The following CSNK1G2 variants were observed in gnomAD, a reference collection of about 807,000 sequenced individuals.
CSNK1G2 encodes casein kinase I isoform gamma-2.
A neutral mutation model predicts 48.0 loss-of-function variants in CSNK1G2; 11 were observed. The ratio of observed to expected loss-of-function variants is 0.23; its 90% CI spans 0.14 to 0.38. The LOEUF (loss-of-function observed/expected upper bound fraction) is 0.38, where lower values mean the gene tolerates loss of function less well. CSNK1G2 is among the 10% of genes least tolerant of loss of function. The probability of loss-of-function intolerance (pLI) is 1.00; values close to 1 mark genes in which losing one functional copy is unlikely to be tolerated. For synonymous variants in CSNK1G2, 337 were observed against 254.1 expected, an observed-to-expected ratio of 1.33 and a Z score of -3.10; for missense variants, 446 against 595.5, an observed-to-expected ratio of 0.75 and a Z score of 2.61.
At position 1,978,058 on chromosome 19, in the gene CSNK1G2, G is replaced by A. The variant is rs551229874; in HGVS notation, c.188-247G>A. On this transcript the variant is annotated intron_variant, in intron 2 of 11. Coordinates refer to ENST00000255641, the MANE Select transcript of CSNK1G2 (RefSeq NM_001319.7). The surrounding 1 kb of genome is among the most constrained non-coding windows in gnomAD (Gnocchi z 7.3). ...TCCTGGGCTAGGGAGGTGGGGGGGCGGGGGAGGAGGAGTGGCAGACACTGA... is the reference window on the plus strand; with the variant it reads ...TCCTGGGCTAGGGAGGTGGGGGGGCAGGGGAGGAGGAGTGGCAGACACTGA... Among the ~76,000 whole-genome samples, 41 of 152,192 alleles carry A rather than the reference G, an allele frequency of 2.7e-4. No individual in the cohort carries two copies. The highest frequency in any genetic ancestry group is 2.1e-3 in the Admixed American group (32 of 15,284).
At chr19:1,971,445 C>G (rs1051622756) in intron 2 of CSNK1G2, among the ~76,000 whole-genome samples, 1 of 152,270 alleles carries the variant, frequency 6.6e-6, no homozygotes, top group African/African-American at 2.4e-5. Flanking sequence ...CCAACAGGAG[C>G]TGTGGCCTCC....
rs201822816 is a variant in CSNK1G2 at position 1,978,352 on chromosome 19, C to T, written c.228+7C>T. Reference sequence around the variant, plus strand: ...ATACGTGGCTATCAAATTGGTGAGTCGGCCCCTCCACCCCACCCCCGCTGA... The same window carrying T: ...ATACGTGGCTATCAAATTGGTGAGTTGGCCCCTCCACCCCACCCCCGCTGA... On this transcript the variant is annotated splice_region_variant and intron_variant, in intron 3 of 11. Coordinates refer to ENST00000255641, the MANE Select transcript of CSNK1G2 (RefSeq NM_001319.7). The surrounding 1 kb of genome is among the most constrained non-coding windows in gnomAD (Gnocchi z 7.3). 9.1e-5 allele frequency: 147 copies of T among 1,613,244 alleles called. 1 individual carries two copies. Among genetic ancestry groups the T allele is most frequent in the African/African-American group, 3.9e-4 (29 of 74,998 alleles).
chr19:1,961,310 C>T (rs1409905142), intron 1 of CSNK1G2, among the ~76,000 whole-genome samples: 4 of 152,226 alleles, frequency 2.6e-5, no homozygotes, highest in East Asian at 1.9e-4. Flanking sequence ...GACTTGAGGC[C>T]GGCTCAGTGG....
intron 1 of CSNK1G2, chr19:1,953,109 A>G (rs1167693875): frequency 5.1e-6 from 2 of 393,936 alleles, no homozygotes; most frequent in African/African-American, 4.3e-5. Context: ...GTCCTCTCAG[A>G]TGTAGCAGGA....
Position 1,969,943 on chromosome 19 carries a change from C to T in CSNK1G2, c.171C>T (p.Phe57=), listed in dbSNP as rs199625241. Residue 57 remains phenylalanine, a synonymous_variant, in exon 2 of 12, where the codon TTC becomes TTT. Transcript: ENST00000255641. ...RVGKKIGCGN[F]GELRLGKNLY... is the part of the protein sequence containing the mutation. Reference sequence around the variant, plus strand: ...GCAAGAAGATCGGCTGCGGCAACTTCGGGGAGCTCCGCCTAGGTGAGGCCC... The same window carrying T: ...GCAAGAAGATCGGCTGCGGCAACTTTGGGGAGCTCCGCCTAGGTGAGGCCC... 212 of 1,309,180 alleles carry T rather than the reference C, an allele frequency of 1.6e-4. No individual in the cohort carries two copies. The highest frequency in any genetic ancestry group is 1.1e-3 in the East Asian group (40 of 35,732). 81.1% of individuals were successfully genotyped at this position (1,309,180 alleles called of 1,614,324 possible). A position where few individuals can be genotyped will look rare whatever the true frequency, so the allele number is the denominator to read the frequency against.
intron 1 of CSNK1G2, among the ~76,000 whole-genome samples, chr19:1,955,888 G>T (rs1431213372): frequency 6.6e-6 from 1 of 152,206 alleles, no homozygotes; most frequent in African/African-American, 2.4e-5. Flanking sequence ...TCATCCAGGG[G>T]GCCAGAGAGA....
chr19:1,977,224 C>A (rs1182969317), intron 2 of CSNK1G2, among the ~76,000 whole-genome samples: 1 of 152,236 alleles, frequency 6.6e-6, no homozygotes, highest in Non-Finnish European at 1.5e-5. Context: ...GCTGGAGACA[C>A]ATGGGTGCCA....
chr19:1,945,311 G>A (rs752510027), intron 1 of CSNK1G2, among the ~76,000 whole-genome samples: 2 of 152,324 alleles, frequency 1.3e-5, no homozygotes, highest in Non-Finnish European at 2.9e-5. Context: ...CCTGGCCCCC[G>A]GTGCGGCTGA....
intron 1 of CSNK1G2, among the ~76,000 whole-genome samples, chr19:1,965,269 G>C (rs1413474256): frequency 6.7e-6 from 1 of 149,996 alleles, no homozygotes; most frequent in Non-Finnish European, 1.5e-5. Context: ...TTTAGTCCCA[G>C]CTACTCAGGA....
chr19:1,978,052 G>A lies in CSNK1G2; in HGVS notation c.188-253G>A, dbSNP rs539732736. On this transcript the variant is annotated intron_variant, in intron 2 of 11. Coordinates refer to ENST00000255641, the MANE Select transcript of CSNK1G2 (RefSeq NM_001319.7). This position sits in a 1 kb window ranked among gnomAD's most constrained non-coding sequence, Gnocchi z 7.3. ...CTTCTGTCCTGGGCTAGGGAGGTGG[G>A]GGGGCGGGGGAGGAGGAGTGGCAGA... Among the ~76,000 whole-genome samples, 3 of 152,158 alleles carry A rather than the reference G, an allele frequency of 2.0e-5. No individual in the cohort carries two copies. The highest frequency in any genetic ancestry group is 4.4e-5 in the Non-Finnish European group (3 of 68,018).
chr19:1,969,060 GCCTC>G (rs1286428630), intron 1 of CSNK1G2, among the ~76,000 whole-genome samples: 2 of 152,328 alleles, frequency 1.3e-5, no homozygotes, highest in African/African-American at 4.8e-5. Context: ...GCTGTCATCT[GCCTC>G]CCTCCCTCTT....
rs564378984 is a variant in CSNK1G2, at chr19:1,970,824, G to A, written c.187+865G>A. On this transcript the variant is annotated intron_variant, in intron 2 of 11. Transcript: ENST00000255641. ...GGAATCAGGGTCCCTGGGAAAGAGC[G>A]CAGGATGGGCAGGTCCGAGAGGCCA... Among the ~76,000 whole-genome samples, 11 of 152,336 alleles carry A rather than the reference G, an allele frequency of 7.2e-5. No individual in the cohort carries two copies. The East Asian group carries it at 9.6e-4, about 13-fold the overall frequency.
At chr19:1,975,860 A>G in intron 2 of CSNK1G2, 3 of 804,150 alleles carry the variant, frequency 3.7e-6, no homozygotes, top group Non-Finnish European at 4.5e-6. Flanking sequence ...ACATGGAGAA[A>G]GCCCATCTCT....
Position 1,980,900 on chromosome 19 carries a change from C to T in CSNK1G2, c.*697C>T, listed in dbSNP as rs1340472600. On this transcript the variant is annotated 3_prime_UTR_variant, in exon 12 of 12. Transcript: ENST00000255641. ...CAAGGGGCGGGTGGGCGCTGCCAGGCGGGTGCTTCTCGACGCACTTGCTCC... is the reference window on the plus strand; with the variant it reads ...CAAGGGGCGGGTGGGCGCTGCCAGGTGGGTGCTTCTCGACGCACTTGCTCC... The T allele has an allele frequency of 6.6e-6, 1 of 152,524 alleles. No homozygotes were observed. The highest frequency in any genetic ancestry group is 1.5e-5 in the Non-Finnish European group (1 of 68,098). The allele number at this position is 152,524 out of a possible 1,614,324, so 9.4% of individuals were successfully genotyped here.
At chr19:1,965,549 G>C (rs569792742) in intron 1 of CSNK1G2, among the ~76,000 whole-genome samples, 39 of 152,188 alleles carry the variant, frequency 2.6e-4, no homozygotes, top group African/African-American at 8.9e-4. Flanking sequence ...CACCCAGGCT[G>C]GAGTGCAGTA....
chr19:1,953,395 A>G (rs777086871), intron 1 of CSNK1G2: 4 of 534,102 alleles, frequency 7.5e-6, no homozygotes, highest in East Asian at 5.4e-5. Context: ...CTTCCCCCGG[A>G]GTCTGGAAGG....
rs771042169 is a variant in CSNK1G2 at position 1,978,821 on chromosome 19, G to C, written c.448-38G>C. 5.0e-6 allele frequency: 8 copies of C among 1,593,004 alleles called. No homozygotes were observed. In the East Asian group the frequency reaches 1.3e-4, roughly 27 times the overall value. On this transcript the variant is annotated intron_variant, in intron 5 of 11. Transcript: ENST00000255641. The surrounding 1 kb of genome is among the most constrained non-coding windows in gnomAD (Gnocchi z 7.3). Reference sequence around the variant, plus strand: ...GCCCTGGAGGGGAGCGCGTGGGACGGGGAGGGGCCCGGCCGACACCGCCGT... The same window carrying C: ...GCCCTGGAGGGGAGCGCGTGGGACGCGGAGGGGCCCGGCCGACACCGCCGT...
In CSNK1G2 at chr19:1,941,272, GGCGCGGGAGCCGGAGCGGGGGCCCAAGC is replaced by G. The variant is rs2014346321; in HGVS notation, c.-410_-383del. On this transcript the variant is annotated 5_prime_UTR_variant, in exon 1 of 12. An upstream open reading frame in the 5' UTR gains an earlier in-frame stop. Transcript: ENST00000255641. ...CGAACATGCGGAGGCCGGCCCAGGC[GGCGCGGGAGCCGGAGCGGGGGCCCAAGC>G]GGCACCGGAGCCGGAGCGCGAGGGG... 8.0e-6 allele frequency: 1 copy of G among 125,476 alleles called. No individual in the cohort carries two copies. The highest frequency in any genetic ancestry group is 2.5e-4 in the South Asian group (1 of 4,030). 7.8% of individuals were successfully genotyped at this position (125,476 alleles called of 1,614,324 possible). A position where few individuals can be genotyped will look rare whatever the true frequency, so the allele number is the denominator to read the frequency against.
chr19:1,973,526 G>T (rs2015648376), intron 2 of CSNK1G2, among the ~76,000 whole-genome samples: 1 of 152,222 alleles, frequency 6.6e-6, no homozygotes, highest in Non-Finnish European at 1.5e-5. Context: ...TCATTCCTGG[G>T]TTCTGGTTCT....
Sources: gnomAD v4.1 joint callset for allele counts (sites outside exome capture counted in the v4.1 genomes callset) on GRCh38, gnomAD v4.1.1 for gene constraint, Gnocchi (gnomAD v3.1) non-coding constraint, MANE v1.5 for transcripts, NCBI Gene and HGNC (gene_info 2026-07-23, HGNC 2026-07-21) for gene names.